WNK1: variants seen among roughly 807,000 people sequenced by gnomAD.
The protein encoded by WNK1 is WNK lysine deficient protein kinase 1.
Under a neutral mutation model 222.8 loss-of-function variants are expected in WNK1, and 38 were observed. The observed-to-expected ratio is 0.17, with a 90% CI of 0.13 to 0.22. The LOEUF is 0.22. Ranked by LOEUF, WNK1 falls within the 10% of genes least tolerant of loss-of-function variation. The pLI is 1.00. For synonymous variants in WNK1, 1,090 were observed against 1,092.9 expected, an observed-to-expected ratio of 1.00 and a Z score of 0.05; for missense variants, 2,348 against 2,918.4, an observed-to-expected ratio of 0.80 and a Z score of 4.50.
chr12:903,648 T>C (rs1955456056), intron 26 of WNK1, among the ~76,000 whole-genome samples: 1 of 152,156 alleles, frequency 6.6e-6, no homozygotes, highest in Non-Finnish European at 1.5e-5. Context: ...TCAGAAATAT[T>C]GAATCTTGTC....
intron 20 of WNK1, among the ~76,000 whole-genome samples, chr12:888,688 G>C (rs1189999957): frequency 6.6e-6 from 1 of 152,172 alleles, no homozygotes; most frequent in Non-Finnish European, 1.5e-5. Flanking sequence ...CCCTGTGATA[G>C]TGACAGAATA....
chr12:881,056 A>G (rs1953113077), intron 12 of WNK1, 57 bp downstream of exon 12: 3 of 1,603,258 alleles, frequency 1.9e-6, no homozygotes, highest in South Asian at 2.2e-5. Context: ...TTGGACAACA[A>G]TGATAAAGGA....
intron 8 of WNK1, among the ~76,000 whole-genome samples, chr12:867,596 TTAATTC>T (rs1951781440): frequency 6.6e-6 from 1 of 152,198 alleles, no homozygotes; most frequent in Non-Finnish European, 1.5e-5. Flanking sequence ...CTTACAAAGT[TTAATTC>T]TTCCATTTCC....
At chr12:809,043 C>T (rs898591778) in intron 1 of WNK1, among the ~76,000 whole-genome samples, 35 of 151,880 alleles carry the variant, frequency 2.3e-4, no homozygotes, top group African/African-American at 8.5e-4. Context: ...GGATTACAGG[C>T]GTGAGCCACC....
chr12:846,506 T>C (rs1591986536), intron 4 of WNK1, among the ~76,000 whole-genome samples: 1 of 152,312 alleles, frequency 6.6e-6, no homozygotes, highest in East Asian at 1.9e-4. Context: ...TTGATAGAGC[T>C]AGCTTGATTT....
At chr12:848,908 C>A (rs931804859) in intron 4 of WNK1, among the ~76,000 whole-genome samples, 2 of 152,106 alleles carry the variant, frequency 1.3e-5, no homozygotes, top group African/African-American at 4.8e-5. Flanking sequence ...CCTCAAGCCC[C>A]CCAAAGCCCC....
Position 908,681 on chromosome 12 carries a change from G to A in WNK1, c.7038G>A (p.Gln2346=). Residue 2346 remains glutamine (Q), a synonymous_variant, in exon 28 of 28, where the codon CAG becomes CAA. Transcript: ENST00000315939. ...GTGGGACGGGTGGCCCAGCACCACA[G>A]CCACTTGGCCAGTTCCAACCTGTGG... ...QWSGTGGPAP[Q]PLGQFQPVGT... The A allele has an allele frequency of 6.2e-7, 1 of 1,614,196 alleles. No individual in the cohort carries two copies. Among genetic ancestry groups the A allele is most frequent in the Non-Finnish European group, 8.5e-7 (1 of 1,180,038 alleles).
intron 22 of WNK1, among the ~76,000 whole-genome samples, chr12:894,037 G>A (rs1954524997): frequency 6.6e-6 from 1 of 151,626 alleles, no homozygotes; most frequent in South Asian, 2.1e-4. Flanking sequence ...GGACAACGTG[G>A]TGAAACTCCG....
At chr12:776,050 T>C (rs1455012679) in intron 1 of WNK1, among the ~76,000 whole-genome samples, 1 of 152,122 alleles carries the variant, frequency 6.6e-6, no homozygotes, top group African/African-American at 2.4e-5. Flanking sequence ...CCAAAGACAA[T>C]AAAGACAGGA....
chr12:868,111 A>G, intron 8 of WNK1: 1 of 1,614,026 alleles, frequency 6.2e-7, no homozygotes, highest in Non-Finnish European at 8.5e-7. Context: ...CTAACTGGAC[A>G]CCAGAGGCCG....
intron 1 of WNK1, among the ~76,000 whole-genome samples, chr12:755,623 C>G (rs1939890721): frequency 1.3e-5 from 2 of 149,304 alleles, no homozygotes; most frequent in South Asian, 4.2e-4. Flanking sequence ...GGTGACAGAT[C>G]TTTAAAAAAA....
intron 26 of WNK1, chr12:904,399 T>A (rs1456901198): frequency 1.7e-5 from 22 of 1,269,774 alleles, no homozygotes; most frequent in Non-Finnish European, 2.3e-5. Flanking sequence ...TTCTAAATAT[T>A]TTACACTGAT....
At chr12:792,577 G>A (rs1944947344) in intron 1 of WNK1, among the ~76,000 whole-genome samples, 1 of 151,970 alleles carries the variant, frequency 6.6e-6, no homozygotes, top group Non-Finnish European at 1.5e-5. Context: ...GCCTCCCAAA[G>A]TGCTGGGATT....
intron 1 of WNK1, among the ~76,000 whole-genome samples, chr12:783,422 G>T (rs1038926500): frequency 6.6e-6 from 1 of 151,846 alleles, no homozygotes; most frequent in African/African-American, 2.4e-5. Context: ...GGAGGCTGAG[G>T]TGGGAGGATT....
At chr12:766,142 C>G (rs1434450083) in intron 1 of WNK1, among the ~76,000 whole-genome samples, 1 of 152,068 alleles carries the variant, frequency 6.6e-6, no homozygotes, top group Non-Finnish European at 1.5e-5. Context: ...ACAATGTTCA[C>G]TATTTGGGTG....
chr12:863,917 T>G (rs1951411182), intron 8 of WNK1, among the ~76,000 whole-genome samples: 1 of 152,262 alleles, frequency 6.6e-6, no homozygotes. Flanking sequence ...TGATGATATG[T>G]AAATACTTGG....
intron 1 of WNK1, among the ~76,000 whole-genome samples, chr12:755,217 TG>T (rs1939818335): frequency 6.6e-6 from 1 of 152,222 alleles, no homozygotes; most frequent in Admixed American, 6.5e-5. Context: ...TTGCCCTGAT[TG>T]GGCATAGGTG....
chr12:840,127 G>A (rs1949508841), intron 4 of WNK1, among the ~76,000 whole-genome samples: 1 of 151,714 alleles, frequency 6.6e-6, no homozygotes, highest in Non-Finnish European at 1.5e-5. Context: ...ATGGTTTTTG[G>A]TTTTGTTTTT....
chr12:792,308 CTTTTTTTTTTT>C (rs35838951), intron 1 of WNK1, among the ~76,000 whole-genome samples: 1 of 89,082 alleles, frequency 1.1e-5, no homozygotes, highest in African/African-American at 4.0e-5. Flanking sequence ...TACTGTTATT[CTTTTTTTTTTT>C]TTTTTTTTTT....
Sources: gnomAD v4.1 joint callset for allele counts (sites outside exome capture counted in the v4.1 genomes callset) on GRCh38, gnomAD v4.1.1 for gene constraint, MANE v1.5 for transcripts, NCBI Gene and HGNC (gene_info 2026-07-23, HGNC 2026-07-21) for gene names.